Variants in ACVR2A observed in about 807,000 individuals in gnomAD.
ACVR2A encodes activin receptor type-2A.
A neutral mutation model predicts 61.4 loss-of-function variants in ACVR2A; 7 were observed. The ratio of observed to expected loss-of-function variants is 0.11; its 90% confidence interval spans 0.06 to 0.21. The LOEUF (loss-of-function observed/expected upper bound fraction) is 0.21, where lower values mean the gene tolerates loss of function less well. Ranked by LOEUF, ACVR2A falls within the 10% of genes least tolerant of loss-of-function variation. ACVR2A has a pLI of 1.00. For missense variants in ACVR2A, 322 were observed against 621.7 expected (o/e 0.52, Z 5.13); for synonymous variants, 193 against 208.3 (o/e 0.93, Z 0.63).
At chr2:147,892,580 CAAT>C (rs1462204049) in intron 1 of ACVR2A, among the ~76,000 whole-genome samples, 5 of 151,128 alleles carry the variant, frequency 3.3e-5, no homozygotes, top group African/African-American at 1.2e-4. Context: ...TTTAAAATAG[CAAT>C]AATAATCCAT....
intron 1 of ACVR2A, among the ~76,000 whole-genome samples, chr2:147,881,641 G>GTGTA (rs1686303871): frequency 3.3e-5 from 1 of 30,388 alleles, no homozygotes; most frequent in African/African-American, 6.8e-5. Context: ...GTGTGTGTGT[G>GTGTA]TATGTGTGTG....
At chr2:147,884,773 T>G (rs1025762518) in intron 1 of ACVR2A, among the ~76,000 whole-genome samples, 4 of 152,192 alleles carry the variant, frequency 2.6e-5, no homozygotes, top group African/African-American at 9.6e-5. Context: ...AGCATAGATA[T>G]TGTATACCCC....
intron 6 of ACVR2A, 74 bp downstream of exon 6, chr2:147,917,500 C>G: frequency 6.7e-7 from 1 of 1,491,244 alleles, no homozygotes. Flanking sequence ...ATAAATCCCT[C>G]AGAGTTATTT....
rs569709629 is a variant in ACVR2A at position 147,889,950 on chromosome 2, G to A, written c.56-6351G>A. Among the ~76,000 whole-genome samples, 8 of 151,300 alleles carry A rather than the reference G, an allele frequency of 5.3e-5. No individual in the cohort carries two copies. The South Asian group carries it at 1.5e-3, about 28-fold the overall frequency. On this transcript the variant is annotated intron_variant, in intron 1 of 10. Coordinates refer to ENST00000241416, the MANE Select transcript of ACVR2A (RefSeq NM_001616.5). ...ATGTGATTAGACTTACTGATTTACT[G>A]TAAACTGAGTGTGAATTATGGTTCT...
rs139158449 is a variant in ACVR2A, at chr2:147,857,782, A to G, written c.55+12575A>G. On this transcript the variant is annotated intron_variant, in intron 1 of 10. Transcript: ENST00000241416. ...GATTTGAGTAAGGATCAGAGGCTACACACACAAGCCCAAGCATACTCACAT... is the reference window on the plus strand; with the variant it reads ...GATTTGAGTAAGGATCAGAGGCTACGCACACAAGCCCAAGCATACTCACAT... Among the ~76,000 whole-genome samples the G allele has an allele frequency of 1.1e-3, 174 of 152,254 alleles. 2 individuals carry two copies. The East Asian group carries it at 0.028, about 25-fold the overall frequency.
chr2:147,874,486 C>G (rs573685978), intron 1 of ACVR2A, among the ~76,000 whole-genome samples: 2 of 152,020 alleles, frequency 1.3e-5, no homozygotes, highest in South Asian at 4.2e-4. Context: ...TTTCAGAGTT[C>G]AGCTTGGTGA....
chr2:147,886,410 A>G (rs73020021), intron 1 of ACVR2A, among the ~76,000 whole-genome samples: 2,528 of 152,292 alleles, frequency 0.017, 74 homozygotes, highest in African/African-American at 0.058. Flanking sequence ...CTGTTTCTCA[A>G]TGACTTTTTG....
At chr2:147,877,197 G>A (rs1316587792) in intron 1 of ACVR2A, among the ~76,000 whole-genome samples, 1 of 152,020 alleles carries the variant, frequency 6.6e-6, no homozygotes, top group African/African-American at 2.4e-5. Flanking sequence ...TCTTTCAGTG[G>A]CCCACTAGTA....
chr2:147,874,280 G>A (rs1256500525), intron 1 of ACVR2A, among the ~76,000 whole-genome samples: 1 of 151,774 alleles, frequency 6.6e-6, no homozygotes, highest in Non-Finnish European at 1.5e-5. Context: ...TCCATAAAAT[G>A]GGCAGAAACA....
At chr2:147,920,421 A>G in intron 8 of ACVR2A, 77 bp downstream of exon 8, 1 of 1,100,338 alleles carries the variant, frequency 9.1e-7, no homozygotes, top group East Asian at 2.4e-5. Context: ...TCAGGACTGA[A>G]TTAGTCTAAA....
intron 1 of ACVR2A, among the ~76,000 whole-genome samples, chr2:147,882,299 C>T (rs916805324): frequency 6.6e-6 from 1 of 152,196 alleles, no homozygotes; most frequent in South Asian, 2.1e-4. Flanking sequence ...GACTGTAATC[C>T]CAGCACTTTG....
rs559710577 is a variant in ACVR2A at position 147,859,296 on chromosome 2, C to T, written c.55+14089C>T. Reference sequence around the variant, plus strand: ...CTCTTCTACCTGCTGGGGTTTGCATCCTAGGAAATACTCTTCTAGGGGCTC... The same window carrying T: ...CTCTTCTACCTGCTGGGGTTTGCATTCTAGGAAATACTCTTCTAGGGGCTC... On this transcript the variant is annotated intron_variant, in intron 1 of 10. Transcript: ENST00000241416. 4.9e-3 allele frequency among the ~76,000 whole-genome samples: 748 copies of T among 152,070 alleles called. 8 individuals are homozygous for T. The highest frequency in any genetic ancestry group is 0.018 in the African/African-American group (727 of 41,494).
intron 5 of ACVR2A, among the ~76,000 whole-genome samples, chr2:147,916,421 T>C (rs1372579054): frequency 6.6e-6 from 1 of 151,836 alleles, no homozygotes; most frequent in Non-Finnish European, 1.5e-5. Context: ...CAGGTAGGGG[T>C]GTTTTACATA....
chr2:147,899,054 A>C (rs1686812704), intron 2 of ACVR2A, among the ~76,000 whole-genome samples: 1 of 152,102 alleles, frequency 6.6e-6, no homozygotes, highest in Admixed American at 6.6e-5. Flanking sequence ...TATAGTTTTC[A>C]GTTTTTGTAT....
At chr2:147,874,259 C>T (rs1434706153) in intron 1 of ACVR2A, among the ~76,000 whole-genome samples, 1 of 151,856 alleles carries the variant, frequency 6.6e-6, no homozygotes, top group Non-Finnish European at 1.5e-5. Flanking sequence ...ATCCAGGTCT[C>T]AGTTTTTTCA....
intron 1 of ACVR2A, among the ~76,000 whole-genome samples, chr2:147,863,518 G>A (rs1023683125): frequency 7.2e-5 from 11 of 152,032 alleles, no homozygotes; most frequent in Admixed American, 3.3e-4. Context: ...GTTGATTAAC[G>A]CATGTTTTGT....
In ACVR2A at chr2:147,899,805, G is replaced by A. The variant is rs773715403; in HGVS notation, c.435G>A (p.Val145=). Residue 145 remains valine, a synonymous_variant, in exon 4 of 11, where the codon GTG becomes GTA. Transcript: ENST00000241416. ...ACAACATCCTGCTCTATTCCTTGGTGCCACTTATGTTAATTGCGGGGATTG... is the reference window on the plus strand; with the variant it reads ...ACAACATCCTGCTCTATTCCTTGGTACCACTTATGTTAATTGCGGGGATTG... ...PYYNILLYSL[V]PLMLIAGIVI... The A allele has an allele frequency of 6.2e-7, 1 of 1,613,730 alleles. No individual in the cohort carries two copies. Among genetic ancestry groups the A allele is most frequent in the Non-Finnish European group, 8.5e-7 (1 of 1,179,782 alleles).
At chr2:147,877,548 A>G (rs1412813507) in intron 1 of ACVR2A, 1 of 152,204 alleles carries the variant, frequency 6.6e-6, no homozygotes, top group African/African-American at 2.4e-5. Flanking sequence ...CACCTTGTTA[A>G]TTTAACTCTT....
intron 8 of ACVR2A, 57 bp from the exon 9 acceptor site, chr2:147,922,914 CAT>C (rs1687418447): frequency 2.6e-6 from 4 of 1,561,264 alleles, no homozygotes; most frequent in Non-Finnish European, 2.6e-6. Flanking sequence ...CTTACAAAAT[CAT>C]ATGTTAGTTC....
Sources: allele counts gnomAD v4.1 joint callset (sites outside exome capture counted in the v4.1 genomes callset), GRCh38; gene constraint gnomAD v4.1.1; transcripts MANE v1.5; gene names NCBI Gene and HGNC (gene_info 2026-07-23, HGNC 2026-07-21).